The following BNC2 variants were observed in gnomAD, a reference collection of about 807,000 sequenced individuals.
BNC2 encodes zinc finger protein basonuclin-2.
Under a neutral mutation model 76.3 loss-of-function variants are expected in BNC2, and 20 were observed. That is an observed-to-expected ratio of 0.26 (90% CI 0.18 to 0.38). The LOEUF is 0.38. Ranked by LOEUF, BNC2 falls within the 10% of genes least tolerant of loss-of-function variation. The pLI is 1.00. For synonymous variants in BNC2, 582 were observed against 514.8 expected (o/e 1.13, Z -1.77); for missense variants, 1,382 against 1,399.8 (o/e 0.99, Z 0.20).
At chr9:16,521,775 T>C (rs1269623950) in intron 5 of BNC2, among the ~76,000 whole-genome samples, 1 of 152,170 alleles carries the variant, frequency 6.6e-6, no homozygotes, top group Non-Finnish European at 1.5e-5. Flanking sequence ...TGAGTTCTAA[T>C]TTTACCTTAA....
chr9:16,862,957 C>A (rs992415235), intron 1 of BNC2, among the ~76,000 whole-genome samples: 2 of 150,086 alleles, frequency 1.3e-5, no homozygotes, highest in African/African-American at 4.9e-5. Flanking sequence ...CTCTGTCGCT[C>A]AGGCTAGAGT....
At chr9:16,477,864 A>G (rs1324746601) in intron 5 of BNC2, among the ~76,000 whole-genome samples, 1 of 152,188 alleles carries the variant, frequency 6.6e-6, no homozygotes, top group African/African-American at 2.4e-5. Flanking sequence ...AGCAACTCAT[A>G]GAACAAAGGG....
intron 5 of BNC2, among the ~76,000 whole-genome samples, chr9:16,510,350 A>G (rs1005498107): frequency 2.0e-5 from 3 of 152,212 alleles, no homozygotes; most frequent in Admixed American, 6.5e-5. Flanking sequence ...CCAAAAGGAA[A>G]GTCTCCTACT....
At chr9:16,532,059 A>G (rs1817993065) in intron 5 of BNC2, among the ~76,000 whole-genome samples, 1 of 151,978 alleles carries the variant, frequency 6.6e-6, no homozygotes, top group South Asian at 2.1e-4. Flanking sequence ...TTTGGTAACA[A>G]CACAGCTACT....
chr9:16,453,424 T>G lies in BNC2; in HGVS notation c.670-15900A>C, dbSNP rs553545369. Among the ~76,000 whole-genome samples the G allele has an allele frequency of 2.0e-5, 3 of 152,302 alleles. No homozygotes were observed. The East Asian group carries it at 5.8e-4, about 29-fold the overall frequency. On this transcript the variant is annotated intron_variant, in intron 5 of 6. Coordinates refer to ENST00000380672, the MANE Select transcript of BNC2 (RefSeq NM_017637.6). ...TCCTCTCCTACTTTATTTCCCACTA[T>G]TCTTCTGAAATCCAGGCCTGAAGAG...
intron 3 of BNC2, among the ~76,000 whole-genome samples, chr9:16,701,472 G>C (rs886981968): frequency 6.6e-6 from 1 of 152,072 alleles, no homozygotes; most frequent in Non-Finnish European, 1.5e-5. Flanking sequence ...AGCACACTAT[G>C]TGTGCTAAAA....
rs559589087 is a variant in BNC2, at chr9:16,593,848, G to C, written c.331-10763C>G. ...AAAGAAAAACACACATTTTAACTCA[G>C]TCTATATTTACCAGAACACCTAACT... On this transcript the variant is annotated intron_variant, in intron 3 of 6. Coordinates refer to ENST00000380672, the MANE Select transcript of BNC2 (RefSeq NM_017637.6). 3.9e-5 allele frequency among the ~76,000 whole-genome samples: 6 copies of C among 152,038 alleles called. No homozygotes were observed. In the East Asian group the frequency reaches 1.2e-3, roughly 29 times the overall value.
chr9:16,676,364 C>T (rs546559557), intron 3 of BNC2, among the ~76,000 whole-genome samples: 3 of 152,144 alleles, frequency 2.0e-5, no homozygotes, highest in African/African-American at 4.8e-5. Flanking sequence ...CAAACACAAA[C>T]GCGTAATTCT....
intron 1 of BNC2, among the ~76,000 whole-genome samples, chr9:16,829,167 G>C (rs898310204): frequency 3.3e-5 from 5 of 152,220 alleles, no homozygotes; most frequent in Admixed American, 1.3e-4. Context: ...TTTCCGTCTG[G>C]CACGGACTTG....
intron 5 of BNC2, among the ~76,000 whole-genome samples, chr9:16,503,420 T>TA (rs570977326): frequency 2.0e-4 from 30 of 152,186 alleles, no homozygotes; most frequent in Non-Finnish European, 3.8e-4. Flanking sequence ...ACTTTTTTTT[T>TA]ACTCATTTTT....
chr9:16,617,181 G>T (rs561759128), intron 3 of BNC2, among the ~76,000 whole-genome samples: 25 of 152,154 alleles, frequency 1.6e-4, no homozygotes, highest in African/African-American at 5.8e-4. Context: ...CACTTTAACC[G>T]TGGCCCTGCA....
In BNC2 at chr9:16,530,530, T is replaced by A. The variant is rs562447033; in HGVS notation, c.669+22000A>T. ...CTAGGAGAGAGGGCGATGATCAAGATCCACTTTTATGGAAAACATGATATT... is the reference window on the plus strand; with the variant it reads ...CTAGGAGAGAGGGCGATGATCAAGAACCACTTTTATGGAAAACATGATATT... On this transcript the variant is annotated intron_variant, in intron 5 of 6. Coordinates refer to ENST00000380672, the MANE Select transcript of BNC2 (RefSeq NM_017637.6). Among the ~76,000 whole-genome samples the A allele has an allele frequency of 9.8e-5, 15 of 152,326 alleles. No individual in the cohort carries two copies. The South Asian group carries it at 3.1e-3, about 32-fold the overall frequency.
chr9:16,856,377 G>A (rs1819258712), intron 1 of BNC2, among the ~76,000 whole-genome samples: 1 of 152,116 alleles, frequency 6.6e-6, no homozygotes, highest in African/African-American at 2.4e-5. Flanking sequence ...GCTGTTTACA[G>A]ACAAAAGGGA....
chr9:16,765,775 T>A (rs2135416443), intron 1 of BNC2, among the ~76,000 whole-genome samples: 1 of 147,940 alleles, frequency 6.8e-6, no homozygotes, highest in South Asian at 2.2e-4. Context: ...AACAGGGCAC[T>A]CTCGTAATTT....
intron 1 of BNC2, among the ~76,000 whole-genome samples, chr9:16,788,948 C>G (rs1379705190): frequency 3.3e-5 from 5 of 152,148 alleles, no homozygotes; most frequent in Non-Finnish European, 7.3e-5. Flanking sequence ...TCTCTATTCC[C>G]TCTACTCCAT....
intron 3 of BNC2, among the ~76,000 whole-genome samples, chr9:16,583,312 C>T (rs1819679007): frequency 6.6e-6 from 1 of 151,988 alleles, no homozygotes; most frequent in South Asian, 2.1e-4. Context: ...TCACAGTAAC[C>T]TTTAAATTAC....
intron 3 of BNC2, among the ~76,000 whole-genome samples, chr9:16,589,042 T>C (rs1249409081): frequency 6.6e-6 from 1 of 152,164 alleles, no homozygotes; most frequent in Non-Finnish European, 1.5e-5. Flanking sequence ...GAACGACTAA[T>C]CATAATGAGA....
chr9:16,810,242 T>A (rs969853265), intron 1 of BNC2, among the ~76,000 whole-genome samples: 3 of 152,160 alleles, frequency 2.0e-5, no homozygotes, highest in South Asian at 2.1e-4. Context: ...ACAGGCTTAG[T>A]GTAGTCTTCC....
chr9:16,789,915 G>A (rs965396108), intron 1 of BNC2, among the ~76,000 whole-genome samples: 3 of 152,194 alleles, frequency 2.0e-5, no homozygotes, highest in African/African-American at 4.8e-5. Context: ...TTACAAGAGT[G>A]CCTACTTGGC....
Sources: allele counts gnomAD v4.1 joint callset (sites outside exome capture counted in the v4.1 genomes callset), GRCh38; gene constraint gnomAD v4.1.1; transcripts MANE v1.5; gene names NCBI Gene and HGNC (gene_info 2026-07-23, HGNC 2026-07-21).